The following YEATS2 variants were observed in gnomAD, a reference collection of about 807,000 sequenced individuals.
YEATS2 encodes YEATS domain-containing protein 2.
A neutral mutation model predicts 163.2 loss-of-function variants in YEATS2; 77 were observed. The ratio of observed to expected loss-of-function variants is 0.47; its 90% CI spans 0.39 to 0.57. The LOEUF is 0.57. Ranked by LOEUF, YEATS2 falls within the 20% of genes least tolerant of loss-of-function variation. The pLI, the probability that YEATS2 is intolerant of heterozygous loss-of-function variation, is 0.00. For missense variants in YEATS2, 1,549 were observed against 1,729.8 expected (o/e 0.90, Z 1.85); for synonymous variants, 631 against 645.1 (o/e 0.98, Z 0.33).
intron 8 of YEATS2, among the ~76,000 whole-genome samples, chr3:183,741,306 A>G (rs894644427): frequency 8.5e-5 from 13 of 152,078 alleles, no homozygotes; most frequent in Non-Finnish European, 2.9e-5. Context: ...GCCCTTAATA[A>G]TGATGCTAAA....
At chr3:183,773,369 T>A (rs1472639629) in intron 16 of YEATS2, among the ~76,000 whole-genome samples, 1 of 151,984 alleles carries the variant, frequency 6.6e-6, no homozygotes, top group African/African-American at 2.4e-5. Context: ...AGAACTGTTC[T>A]GGGCAGAACC....
intron 17 of YEATS2, among the ~76,000 whole-genome samples, chr3:183,775,391 A>T (rs1232651776): frequency 6.6e-6 from 1 of 152,120 alleles, no homozygotes; most frequent in East Asian, 1.9e-4. Context: ...AGGTCAGGAG[A>T]TCGAGACCAT....
intron 2 of YEATS2, among the ~76,000 whole-genome samples, chr3:183,715,994 C>G (rs142769680): frequency 1.3e-5 from 2 of 152,274 alleles, no homozygotes; most frequent in East Asian, 3.9e-4. Context: ...GAGTCTTGCT[C>G]TGTCCCCCAG....
chr3:183,786,077 C>A, intron 19 of YEATS2, 48 bp from the exon 20 acceptor site: 2 of 1,584,412 alleles, frequency 1.3e-6, no homozygotes, highest in Non-Finnish European at 8.6e-7. Context: ...TGAGTTATGT[C>A]TATTATCCAA....
chr3:183,752,278 A>G (rs1391836255), intron 10 of YEATS2, 25 bp downstream of exon 10: 1 of 1,613,638 alleles, frequency 6.2e-7, no homozygotes, highest in Non-Finnish European at 8.5e-7. Context: ...TTCCTTGCAT[A>G]GCGTTGTTCT....
At chr3:183,749,470 G>C (rs924380575) in intron 9 of YEATS2, among the ~76,000 whole-genome samples, 4 of 151,978 alleles carry the variant, frequency 2.6e-5, no homozygotes, top group African/African-American at 7.3e-5. Context: ...GGCAACTGCT[G>C]CTCTACTTTC....
In YEATS2 at chr3:183,804,161, G is replaced by A. The variant is rs1314663354; in HGVS notation, c.3757G>A (p.Val1253Met). The change falls in exon 27 of 31, where the codon GTG becomes ATG. Residue 1253 changes from valine to methionine, a missense_variant. Transcript: ENST00000305135. ...LRNDGDSIED[V>M]LTQIDSEPEC... Reference sequence around the variant, plus strand: ...GAATGACGGGGACTCCATCGAGGACGTGCTGACCCAGATCGACAGCGAGCC... The same window carrying A: ...GAATGACGGGGACTCCATCGAGGACATGCTGACCCAGATCGACAGCGAGCC... 4 of 1,614,158 alleles carry A rather than the reference G, an allele frequency of 2.5e-6. No individual in the cohort carries two copies. The highest frequency in any genetic ancestry group is 1.3e-5 in the African/African-American group (1 of 75,040).
rs1353963631 is a variant in YEATS2, at chr3:183,808,154, C to T, written c.4086+50C>T. The T allele has an allele frequency of 8.8e-6, 13 of 1,484,668 alleles. No individual in the cohort carries two copies. In the Admixed American group the frequency reaches 1.2e-4, roughly 14 times the overall value. The allele number at this position is 1,484,668 out of a possible 1,614,324, so 92.0% of individuals were successfully genotyped here. The stretch of plus-strand genomic sequence containing the variant: ...CCAGGAAGGATGGTTGCATCCCAGG[C>T]GGTTTGGAGTAAGGGGCAAGGACAG... On this transcript the variant is annotated intron_variant, in intron 29 of 30. Transcript: ENST00000305135.
In YEATS2 at chr3:183,807,028, A is replaced by G. The variant is rs200157406; in HGVS notation, c.3947A>G (p.Glu1316Gly). ...AAGAAGGAGCAGGAAGAGAAACAAG[A>G]GGAAGTCAAGTTCTACCTGCCACCA... ...NIKKEQEEKQEEVKFYLPPTP... is the reference protein window; with the variant it reads ...NIKKEQEEKQGEVKFYLPPTP... The change falls in exon 28 of 31, where the codon GAG (glutamate) becomes GGG (glycine). Residue 1316 changes from glutamate (E) to glycine (G), a missense_variant. Transcript: ENST00000305135. 6.2e-7 allele frequency: 1 copy of G among 1,614,188 alleles called. No individual in the cohort carries two copies.
At chr3:183,786,095 T>C (rs1433576861) in intron 19 of YEATS2, 30 bp from the exon 20 acceptor site, 2 of 1,601,852 alleles carry the variant, frequency 1.2e-6, no homozygotes, top group East Asian at 4.5e-5. Flanking sequence ...CAAGGCAACA[T>C]GATTATTTCT....
At chr3:183,735,333 G>T (rs1425859319) in intron 7 of YEATS2, among the ~76,000 whole-genome samples, 1 of 152,152 alleles carries the variant, frequency 6.6e-6, no homozygotes, top group East Asian at 1.9e-4. Context: ...TGTATCTCTG[G>T]CTGTGGGTCC....
intron 1 of YEATS2, among the ~76,000 whole-genome samples, chr3:183,714,242 C>T (rs1272928519): frequency 2.0e-5 from 3 of 148,638 alleles, no homozygotes; most frequent in Non-Finnish European, 4.4e-5. Context: ...GTCTCCCAGG[C>T]TGGAGTGCAG....
intron 21 of YEATS2, among the ~76,000 whole-genome samples, chr3:183,792,463 G>T (rs1214811834): frequency 2.0e-5 from 3 of 152,078 alleles, no homozygotes; most frequent in African/African-American, 4.8e-5. Context: ...CCATGTCCCT[G>T]CAAAGGACAT....
chr3:183,732,804 C>T (rs893431924), intron 7 of YEATS2, among the ~76,000 whole-genome samples: 2 of 152,110 alleles, frequency 1.3e-5, no homozygotes, highest in Non-Finnish European at 2.9e-5. Context: ...CATGATCTGC[C>T]CACCTCGGCC....
intron 6 of YEATS2, among the ~76,000 whole-genome samples, chr3:183,724,900 C>T (rs1465303722): frequency 2.6e-5 from 4 of 152,070 alleles, no homozygotes; most frequent in Non-Finnish European, 4.4e-5. Context: ...TATGCCACCA[C>T]GCCTGGCTAA....
intron 15 of YEATS2, among the ~76,000 whole-genome samples, chr3:183,765,377 C>A (rs1168674009): frequency 6.6e-6 from 1 of 152,166 alleles, no homozygotes; most frequent in African/African-American, 2.4e-5. Flanking sequence ...TGATGCTGAA[C>A]AACTGTACTG....
Position 183,755,225 on chromosome 3 carries a change from C to T in YEATS2, c.1390+860C>T, listed in dbSNP as rs1039536214. Among the ~76,000 whole-genome samples, 7 of 152,040 alleles carry T rather than the reference C, an allele frequency of 4.6e-5. No individual in the cohort carries two copies. The South Asian group carries it at 1.4e-3, about 31-fold the overall frequency. On this transcript the variant is annotated intron_variant, in intron 11 of 30. Coordinates refer to ENST00000305135, the MANE Select transcript of YEATS2 (RefSeq NM_018023.5). ...CCACCTCTCTCGGGTTCAAGTGATT[C>T]TCCTGGCTCAGCCTCCCAAGTAGCT...
chr3:183,808,962 A>T, intron 29 of YEATS2, 135 bp from the exon 30 acceptor site: 1 of 753,730 alleles, frequency 1.3e-6, no homozygotes, highest in East Asian at 2.5e-5. Flanking sequence ...TGAGGCCTTT[A>T]ATTTTTTCTT....
rs564449285 is a variant in YEATS2 at position 183,740,151 on chromosome 3, A to G, written c.924+3322A>G. 8.9e-4 allele frequency among the ~76,000 whole-genome samples: 133 copies of G among 148,864 alleles called. 1 individual carries two copies. Among genetic ancestry groups the G allele is most frequent in the African/African-American group, 3.1e-3 (125 of 40,336 alleles). On this transcript the variant is annotated intron_variant, in intron 8 of 30. Coordinates refer to ENST00000305135, the MANE Select transcript of YEATS2 (RefSeq NM_018023.5). ...GAGCTTCTGCACAGCAAAAGAAACT[A>G]CCATCAGAGTGAACAGGCAACCTAC...
Sources: gnomAD v4.1 joint callset for allele counts (sites outside exome capture counted in the v4.1 genomes callset) on GRCh38, gnomAD v4.1.1 for gene constraint, MANE v1.5 for transcripts, NCBI Gene and HGNC (gene_info 2026-07-23, HGNC 2026-07-21) for gene names.